Variants in KDM4C observed in about 807,000 individuals in gnomAD.
KDM4C encodes the protein lysine demethylase 4C, also known as lysine-specific demethylase 4C.
Under a neutral mutation model 129.3 loss-of-function variants are expected in KDM4C, and 81 were observed. The observed-to-expected ratio is 0.63, with a 90% CI of 0.52 to 0.75. KDM4C has a LOEUF of 0.75. Among genes scored for constraint, KDM4C ranks in the 30% least tolerant of loss-of-function variants. KDM4C has a pLI of 0.00. For synonymous variants in KDM4C, 573 were observed against 456.1 expected (o/e 1.26, Z -3.26); for missense variants, 1,457 against 1,304.0 (o/e 1.12, Z -1.81).
At chr9:6,735,008 C>T in intron 1 of KDM4C, 1 of 531,816 alleles carries the variant, frequency 1.9e-6, no homozygotes. Flanking sequence ...TTGGGTATTA[C>T]TGCATTGCAG....
At chr9:6,765,368 TC>T (rs750141198) in intron 1 of KDM4C, among the ~76,000 whole-genome samples, 1 of 152,208 alleles carries the variant, frequency 6.6e-6, no homozygotes, top group Non-Finnish European at 1.5e-5. Flanking sequence ...AAGTACTTCT[TC>T]AGAGAAACCT....
At chr9:7,032,091 C>G (rs1826877086) in intron 15 of KDM4C, among the ~76,000 whole-genome samples, 1 of 152,210 alleles carries the variant, frequency 6.6e-6, no homozygotes, top group Non-Finnish European at 1.5e-5. Context: ...ACCCCTGTAA[C>G]TCTGTATTTA....
chr9:7,167,339 A>G (rs995483226), intron 20 of KDM4C, among the ~76,000 whole-genome samples: 1 of 152,136 alleles, frequency 6.6e-6, no homozygotes, highest in Non-Finnish European at 1.5e-5. Flanking sequence ...CAGGCGAACT[A>G]GGACGGTTGG....
At chr9:6,874,827 G>A (rs1166663693) in intron 5 of KDM4C, among the ~76,000 whole-genome samples, 1 of 151,820 alleles carries the variant, frequency 6.6e-6, no homozygotes, top group Non-Finnish European at 1.5e-5. Flanking sequence ...GGCCTGTGGT[G>A]GCCTGTAATC....
At chr9:6,972,904 A>G (rs923037736) in intron 8 of KDM4C, among the ~76,000 whole-genome samples, 3 of 152,112 alleles carry the variant, frequency 2.0e-5, no homozygotes, top group African/African-American at 7.2e-5. Flanking sequence ...GTGTTTTTCT[A>G]TCTTCTGTTT....
intron 15 of KDM4C, among the ~76,000 whole-genome samples, chr9:7,027,033 T>C (rs1825927121): frequency 6.6e-6 from 1 of 152,146 alleles, no homozygotes; most frequent in Admixed American, 6.5e-5. Flanking sequence ...CTCTGAGCAG[T>C]TACTTTGAAT....
intron 17 of KDM4C, among the ~76,000 whole-genome samples, chr9:7,065,505 T>A (rs1394763350): frequency 2.6e-5 from 4 of 152,168 alleles, no homozygotes; most frequent in African/African-American, 9.6e-5. Flanking sequence ...AAAAGTATGG[T>A]CATGAAATAT....
chr9:6,848,499 C>T (rs1036718038), intron 4 of KDM4C, among the ~76,000 whole-genome samples: 4 of 152,030 alleles, frequency 2.6e-5, no homozygotes, highest in Non-Finnish European at 1.5e-5. Flanking sequence ...AAACTCCTGT[C>T]TCTACTCAAA....
At chr9:6,760,288 T>A (rs937873290) in intron 1 of KDM4C, among the ~76,000 whole-genome samples, 11 of 152,082 alleles carry the variant, frequency 7.2e-5, no homozygotes, top group Non-Finnish European at 1.6e-4. Context: ...TATCAGTACT[T>A]CATTCCTTTT....
At chr9:6,875,784 T>A (rs1272186151) in intron 5 of KDM4C, among the ~76,000 whole-genome samples, 3 of 152,232 alleles carry the variant, frequency 2.0e-5, no homozygotes, top group Non-Finnish European at 4.4e-5. Context: ...CCCCCGCTAC[T>A]TACATGGAAA....
intron 17 of KDM4C, chr9:7,076,949 A>G (rs1412554233): frequency 8.1e-6 from 8 of 986,028 alleles, no homozygotes; most frequent in Non-Finnish European, 8.4e-6. Flanking sequence ...CCATTTTTCT[A>G]CAGCACATCA....
chr9:7,174,775 G>A lies in KDM4C; in HGVS notation c.*46G>A. ...CCACAGAGCAGCTTGGGTTGGAAGA[G>A]AGAAGATGAAGGGACATCCTTGGGG... is the stretch of plus-strand genomic sequence containing the variant. On this transcript the variant is annotated 3_prime_UTR_variant, in exon 22 of 22. Transcript: ENST00000381309. The A allele has an allele frequency of 6.5e-7, 1 of 1,540,926 alleles. No homozygotes were observed. The highest frequency in any genetic ancestry group is 1.1e-5 in the South Asian group (1 of 87,494).
intron 8 of KDM4C, among the ~76,000 whole-genome samples, chr9:6,953,144 T>C (rs746266048): frequency 6.6e-6 from 1 of 152,236 alleles, no homozygotes. Context: ...AGGCAGTAGA[T>C]CTTTTTTGTT....
chr9:6,907,176 T>C (rs1002425165), intron 8 of KDM4C, among the ~76,000 whole-genome samples: 1 of 152,222 alleles, frequency 6.6e-6, no homozygotes, highest in African/African-American at 2.4e-5. Flanking sequence ...TATATTGTTA[T>C]GTGACAAAGA....
chr9:7,059,841 G>A (rs1831368243), intron 17 of KDM4C, among the ~76,000 whole-genome samples: 1 of 151,632 alleles, frequency 6.6e-6, no homozygotes, highest in Non-Finnish European at 1.5e-5. Flanking sequence ...CTATGTAATG[G>A]GTTTGTTATT....
chr9:6,854,538 A>AAC (rs1839442443), intron 5 of KDM4C, among the ~76,000 whole-genome samples: 1 of 146,000 alleles, frequency 6.8e-6, no homozygotes, highest in East Asian at 2.0e-4. Flanking sequence ...AAAAAAAAAA[A>AAC]AAAAAAACAA....
At chr9:6,870,320 A>T (rs997715575) in intron 5 of KDM4C, among the ~76,000 whole-genome samples, 1 of 151,854 alleles carries the variant, frequency 6.6e-6, no homozygotes, top group Non-Finnish European at 1.5e-5. Flanking sequence ...TTTCCTTTTG[A>T]CATCTTCATA....
intron 4 of KDM4C, among the ~76,000 whole-genome samples, chr9:6,821,931 G>A (rs905958934): frequency 4.4e-4 from 67 of 152,238 alleles, no homozygotes; most frequent in African/African-American, 1.6e-3. Flanking sequence ...TGCTGTGCCC[G>A]GCTGGCCCCT....
chr9:6,906,040 C>T (rs1389766741), intron 8 of KDM4C, among the ~76,000 whole-genome samples: 4 of 151,808 alleles, frequency 2.6e-5, no homozygotes, highest in South Asian at 4.2e-4. Context: ...AGCTACTTAC[C>T]GAGAAAATTG....
Sources: allele counts gnomAD v4.1 joint callset (sites outside exome capture counted in the v4.1 genomes callset), GRCh38; gene constraint gnomAD v4.1.1; transcripts MANE v1.5; gene names NCBI Gene and HGNC (gene_info 2026-07-23, HGNC 2026-07-21).